CLEC4A: variants seen among roughly 807,000 people sequenced by gnomAD.
The protein encoded by CLEC4A is C-type lectin domain family 4 member A.
CLEC4A carries 27 observed loss-of-function variants against 32.7 expected under a neutral mutation model. The observed-to-expected ratio is 0.83, with a 90% confidence interval of 0.61 to 1.14. The LOEUF is 1.14. Among genes scored for constraint, CLEC4A ranks in the 50% most tolerant of loss-of-function variants. The pLI is 0.00. For missense variants in CLEC4A, 253 were observed against 274.6 expected, an observed-to-expected ratio of 0.92 and a Z score of 0.55; for synonymous variants, 89 against 93.7, an observed-to-expected ratio of 0.95 and a Z score of 0.29.
chr12:8,119,254 C>T (rs949114949), upstream of CLEC4A, among the ~76,000 whole-genome samples: 13 of 152,192 alleles, frequency 8.5e-5, no homozygotes, highest in Admixed American at 7.9e-4. Context: ...GACAGAGCTT[C>T]GCTACTGTTG....
At chr12:8,135,031 C>T (rs1214589864) in intron 3 of CLEC4A, among the ~76,000 whole-genome samples, 177 of 11,318 alleles carry the variant, frequency 0.016, 2 homozygotes, top group Non-Finnish European at 0.022. Flanking sequence ...TCAGATAATT[C>T]TAACAATTTT....
rs1948164286 is a variant in CLEC4A, at chr12:8,138,352, CTCT to C, written c.*70_*72del. On this transcript the variant is annotated 3_prime_UTR_variant, in exon 6 of 6. Transcript: ENST00000229332. ...TGTCATTGTAGGGATAGATAATAAG[CTCT>C]TCTTATTCATGTGTAAGGGAGGTCC... The C allele has an allele frequency of 6.4e-7, 1 of 1,567,910 alleles. No individual in the cohort carries two copies. Among genetic ancestry groups the C allele is most frequent in the Non-Finnish European group, 8.7e-7 (1 of 1,145,840 alleles).
intron 3 of CLEC4A, among the ~76,000 whole-genome samples, chr12:8,130,912 C>T (rs770103714): frequency 1.3e-5 from 2 of 152,074 alleles, no homozygotes; most frequent in Non-Finnish European, 2.9e-5. Flanking sequence ...GTAATAGGAT[C>T]CCCATCCAGA....
intron 5 of CLEC4A, among the ~76,000 whole-genome samples, chr12:8,137,668 T>C (rs1948147612): frequency 6.6e-6 from 1 of 152,148 alleles, no homozygotes; most frequent in African/African-American, 2.4e-5. Flanking sequence ...ATAGAAAAAC[T>C]GAGAATCAGG....
At chr12:8,122,530 G>A (rs2015596), upstream of CLEC4A, among the ~76,000 whole-genome samples, 10,166 of 151,884 alleles carry the variant, frequency 0.067, 1,045 homozygotes, top group African/African-American at 0.22. Flanking sequence ...GAGGGCATCC[G>A]CGCAGGGGAT....
intron 3 of CLEC4A, among the ~76,000 whole-genome samples, chr12:8,129,968 T>C (rs1947969020): frequency 6.6e-6 from 1 of 152,122 alleles, no homozygotes; most frequent in African/African-American, 2.4e-5. Context: ...CCTGAGTAGC[T>C]GAGACTACAA....
Position 8,138,380 on chromosome 12 carries a change from C to A in CLEC4A, c.*93C>A. On this transcript the variant is annotated 3_prime_UTR_variant, in exon 6 of 6. Coordinates refer to ENST00000229332, the MANE Select transcript of CLEC4A (RefSeq NM_016184.4). ...TTCTTATTCATGTGTAAGGGAGGTC[C>A]ATAGAATTTAGGTGGTCTGTCAACT... 1 of 1,470,100 alleles carries A rather than the reference C, an allele frequency of 6.8e-7. No individual in the cohort carries two copies. Among genetic ancestry groups the A allele is most frequent in the South Asian group, 1.3e-5 (1 of 78,744 alleles). The allele number at this position is 1,470,100 out of a possible 1,614,324, so 91.1% of individuals were successfully genotyped here.
rs758767714 is a variant in CLEC4A, at chr12:8,134,178, G to A, written c.299-1407G>A. The A allele has an allele frequency of 1.4e-4, 223 of 1,610,042 alleles. No homozygotes were observed. In the African/African-American group the frequency reaches 2.7e-3, roughly 19 times the overall value. On this transcript the variant is annotated intron_variant, in intron 3 of 5. Coordinates refer to ENST00000229332, the MANE Select transcript of CLEC4A (RefSeq NM_016184.4). ...CGCTTTCTCTTTCGGGCCTGCACGA[G>A]GGTTTCTGCTTTGCATATCTCCTGA...
chr12:8,113,212 C>T, the CLEC4A span, among the ~76,000 whole-genome samples: 236 of 147,672 alleles, frequency 1.6e-3, no homozygotes, highest in Non-Finnish European at 2.5e-3. Context: ...TGAGAACATG[C>T]GGTGTTTGGT....
In CLEC4A at chr12:8,134,979, G is replaced by GTTTTTTTTTTTTTTTTTTTTTTT. The variant is rs1591611840; in HGVS notation, c.299-600_299-599insTTTTTTTTTTTTTTTTTTTTTTT. 76 of 165,964 alleles carry GTTTTTTTTTTTTTTTTTTTTTTT rather than the reference G, an allele frequency of 4.6e-4. 6 individuals are homozygous for GTTTTTTTTTTTTTTTTTTTTTTT. Among genetic ancestry groups the GTTTTTTTTTTTTTTTTTTTTTTT allele is most frequent in the South Asian group, 1.6e-3 (4 of 2,516 alleles). 10.3% of individuals were successfully genotyped at this position (165,964 alleles called of 1,614,324 possible). ...TGTATCTTCTTGTTGAAGCGTTTTTGTTTTTTGTTTTTTTTTAATCATGGC... is the reference window on the plus strand; with the variant it reads ...TGTATCTTCTTGTTGAAGCGTTTTTGTTTTTTTTTTTTTTTTTTTTTTTTTTTTTGTTTTTTTTTAATCATGGC... On this transcript the variant is annotated intron_variant, in intron 3 of 5. Coordinates refer to ENST00000229332, the MANE Select transcript of CLEC4A (RefSeq NM_016184.4).
chr12:8,115,076 A>G, the CLEC4A span, among the ~76,000 whole-genome samples: 2 of 152,192 alleles, frequency 1.3e-5, no homozygotes, highest in African/African-American at 4.8e-5. Context: ...CCGCTAGTTT[A>G]TTAGGGCTAA....
At chr12:8,129,683 C>T (rs896596363) in intron 3 of CLEC4A, among the ~76,000 whole-genome samples, 3 of 151,980 alleles carry the variant, frequency 2.0e-5, no homozygotes, top group Non-Finnish European at 4.4e-5. Flanking sequence ...CCCAGCTACT[C>T]GGGAGGCTGA....
At chr12:8,122,224 G>A (rs76866416), upstream of CLEC4A, among the ~76,000 whole-genome samples, 1,461 of 151,942 alleles carry the variant, frequency 9.6e-3, 14 homozygotes, top group Non-Finnish European at 0.014. Flanking sequence ...GGATAAGGAG[G>A]TGGTCCATGT....
intron 2 of CLEC4A, 72 bp from the exon 3 acceptor site, chr12:8,129,192 C>A: frequency 2.1e-6 from 2 of 942,428 alleles, no homozygotes; most frequent in Non-Finnish European, 3.2e-6. Context: ...ATAAAGAATG[C>A]AAGAAAGTAA....
chr12:8,104,717 C>T, the CLEC4A span, among the ~76,000 whole-genome samples: 1 of 152,040 alleles, frequency 6.6e-6, no homozygotes, highest in Non-Finnish European at 1.5e-5. Flanking sequence ...TTTTTCAATC[C>T]TCTCCCTTCT....
At chr12:8,114,326 G>A in the CLEC4A span, among the ~76,000 whole-genome samples, 15 of 151,966 alleles carry the variant, frequency 9.9e-5, no homozygotes, top group East Asian at 2.7e-3. Flanking sequence ...CTCACTGCAA[G>A]CTCTGCCTCC....
chr12:8,103,376 G>GTTTTTTTTTTTTT, the CLEC4A span, among the ~76,000 whole-genome samples: 1 of 56,512 alleles, frequency 1.8e-5, no homozygotes, highest in African/African-American at 8.3e-5. Context: ...TCTTTCTGTT[G>GTTTTTTTTTTTTT]TTTTTTTTTT....
chr12:8,124,955 T>C (rs775868035), intron 1 of CLEC4A, among the ~76,000 whole-genome samples: 2 of 152,164 alleles, frequency 1.3e-5, no homozygotes, highest in East Asian at 1.9e-4. Context: ...TGAATTTTTT[T>C]CCCCCATCAT....
chr12:8,131,855 G>A (rs1473161832), intron 3 of CLEC4A, among the ~76,000 whole-genome samples: 1 of 150,120 alleles, frequency 6.7e-6, no homozygotes, highest in Non-Finnish European at 1.5e-5. Flanking sequence ...CAACTTTTAA[G>A]TTCTGGGGTA....
Sources: gnomAD v4.1 joint callset for allele counts (sites outside exome capture counted in the v4.1 genomes callset) on GRCh38, gnomAD v4.1.1 for gene constraint, MANE v1.5 for transcripts, NCBI Gene and HGNC (gene_info 2026-07-23, HGNC 2026-07-21) for gene names.